Variants in PRDX1 observed in about 807,000 individuals in gnomAD.
PRDX1 encodes peroxiredoxin-1.
Under a neutral mutation model 20.7 loss-of-function variants are expected in PRDX1, and 19 were observed. That is an observed-to-expected ratio of 0.92 (90% CI 0.64 to 1.35). PRDX1 has a LOEUF of 1.35. Ranked by LOEUF, PRDX1 falls within the 40% of genes most tolerant of loss-of-function variation. The probability of loss-of-function intolerance (pLI) is 0.00; values close to 1 mark genes in which losing one functional copy is unlikely to be tolerated. For missense variants in PRDX1, 226 were observed against 240.0 expected, an observed-to-expected ratio of 0.94 and a Z score of 0.38; for synonymous variants, 89 against 83.9, an observed-to-expected ratio of 1.06 and a Z score of -0.33.
At chr1:45,517,129 A>C (rs1188435570) in intron 2 of PRDX1, among the ~76,000 whole-genome samples, 1 of 152,036 alleles carries the variant, frequency 6.6e-6, no homozygotes, top group African/African-American at 2.4e-5. Context: ...TTGCCTAACA[A>C]GCACTTTGGG....
At chr1:45,520,477 C>G (rs2149330430) in intron 1 of PRDX1, among the ~76,000 whole-genome samples, 1 of 151,996 alleles carries the variant, frequency 6.6e-6, no homozygotes, top group South Asian at 2.1e-4. Context: ...AATCCCAGCA[C>G]TTTGGGAGGC....
At position 45,514,649 on chromosome 1, in the gene PRDX1, G is replaced by A; in HGVS notation, c.384-12C>T. ...TGATAAAAAGGCCCCTGGGAAAAGA[G>A]ATGAAAGGAAAAGCAATACAGGTTT... On this transcript the variant is annotated splice_polypyrimidine_tract_variant and intron_variant, in intron 4 of 5. Coordinates refer to ENST00000319248, the MANE Select transcript of PRDX1 (RefSeq NM_181697.3). The A allele has an allele frequency of 6.2e-7, 1 of 1,613,450 alleles. No individual in the cohort carries two copies. The highest frequency in any genetic ancestry group is 8.5e-7 in the Non-Finnish European group (1 of 1,179,404).
chr1:45,514,476 C>G, intron 5 of PRDX1, 31 bp downstream of exon 5: 1 of 1,613,428 alleles, frequency 6.2e-7, no homozygotes, highest in Non-Finnish European at 8.5e-7. Flanking sequence ...TACCACCACT[C>G]TGTTGTCCTG....
chr1:45,519,305 C>A (rs1163780772), intron 1 of PRDX1, among the ~76,000 whole-genome samples: 14 of 152,192 alleles, frequency 9.2e-5, no homozygotes, highest in Admixed American at 8.5e-4. Context: ...AAGGCAATTT[C>A]TTTATATACT....
upstream of PRDX1, among the ~76,000 whole-genome samples, chr1:45,522,357 C>A (rs934405120): frequency 2.6e-5 from 4 of 152,158 alleles, no homozygotes; most frequent in African/African-American, 9.7e-5. Flanking sequence ...GCTTAGATAG[C>A]TTCCTTCATT....
At chr1:45,516,766 T>A (rs375448894) in intron 2 of PRDX1, among the ~76,000 whole-genome samples, 1 of 151,816 alleles carries the variant, frequency 6.6e-6, no homozygotes, top group Non-Finnish European at 1.5e-5. Flanking sequence ...TCCCAGCAGT[T>A]TGGGAGGCAG....
At chr1:45,511,580 A>C (rs1643746875) in intron 5 of PRDX1, 166 bp from the exon 6 acceptor site, 2 of 453,516 alleles carry the variant, frequency 4.4e-6, no homozygotes, top group Admixed American at 4.0e-5. Context: ...ACCATTTTAC[A>C]AACATATAAT....
chr1:45,513,183 A>G (rs986171816), intron 5 of PRDX1: 2 of 152,116 alleles, frequency 1.3e-5, no homozygotes, highest in African/African-American at 4.8e-5. Context: ...ATATGGATTA[A>G]CCTCTTCTCT....
chr1:45,522,600 A>C (rs1643923971), upstream of PRDX1, among the ~76,000 whole-genome samples: 1 of 152,154 alleles, frequency 6.6e-6, no homozygotes, highest in Non-Finnish European at 1.5e-5. Context: ...ACTACCCCCC[A>C]CAAACACACA....
rs939616480 is a variant in PRDX1 at position 45,514,883 on chromosome 1, T to C, written c.373A>G (p.Ile125Val). The C allele has an allele frequency of 6.2e-7, 1 of 1,614,036 alleles. No homozygotes were observed. Among genetic ancestry groups the C allele is most frequent in the Non-Finnish European group, 8.5e-7 (1 of 1,180,002 alleles). ...GTCCTGATGACATACCTGAACGAGATGCCTTCATCAGCCTTTAAGACCCCA... is the reference window on the plus strand; with the variant it reads ...GTCCTGATGACATACCTGAACGAGACGCCTTCATCAGCCTTTAAGACCCCA... Reference protein sequence around the residue: ...DYGVLKADEGISFRGLFIIDD... With the variant: ...DYGVLKADEGVSFRGLFIIDD... Residue 125 changes from isoleucine to valine, a missense_variant, in exon 4 of 6, where the codon ATC (isoleucine) becomes GTC (valine). Ile to Val is a conservative substitution (Grantham distance 29). Coordinates refer to ENST00000319248, the MANE Select transcript of PRDX1 (RefSeq NM_181697.3).
intron 2 of PRDX1, among the ~76,000 whole-genome samples, chr1:45,518,152 G>A (rs989383472): frequency 5.3e-5 from 8 of 151,708 alleles, no homozygotes; most frequent in Admixed American, 1.3e-4. Context: ...GCAACATGGC[G>A]CCCAGCTCTA....
At chr1:45,517,655 G>A (rs565009271) in intron 2 of PRDX1, among the ~76,000 whole-genome samples, 13 of 152,092 alleles carry the variant, frequency 8.5e-5, no homozygotes, top group East Asian at 3.9e-4. Flanking sequence ...GGTTGCGGGC[G>A]CCTGTAGTCC....
rs869087041 is a variant in PRDX1, at chr1:45,512,069, CTTTTTTTTTTTTT to C, written c.515-668_515-656del. ...GCAAGGGGACTAATCTCTTATTTTT[CTTTTTTTTTTTTT>C]TTTTTTTTTTTTTTGAGATGGAGTC... On this transcript the variant is annotated intron_variant, in intron 5 of 5. Transcript: ENST00000319248. The C allele has an allele frequency of 9.0e-5, 6 of 66,906 alleles. 1 individual carries two copies. The East Asian group carries it at 2.7e-3, about 30-fold the overall frequency. The allele number at this position is 66,906 out of a possible 1,614,324, so 4.1% of individuals were successfully genotyped here. A position where few individuals can be genotyped will look rare whatever the true frequency, so the allele number is the denominator to read the frequency against.
intron 3 of PRDX1, among the ~76,000 whole-genome samples, 159 bp from the exon 4 acceptor site, chr1:45,515,154 G>A (rs745661953): frequency 6.6e-6 from 1 of 152,130 alleles, no homozygotes; most frequent in Non-Finnish European, 1.5e-5. Context: ...GTTAAGGTAG[G>A]TCACTAGGGT....
At position 45,519,072 on chromosome 1, in the gene PRDX1, G is replaced by T. The variant is rs1357327641; in HGVS notation, c.-11-18C>A. On this transcript the variant is annotated intron_variant, in intron 1 of 5. Coordinates refer to ENST00000319248, the MANE Select transcript of PRDX1 (RefSeq NM_181697.3). ...CCTATCAGCTAGAAATAACAGAAATGAATTAGAAACAAGCCTTAATTTTCT... is the reference window on the plus strand; with the variant it reads ...CCTATCAGCTAGAAATAACAGAAATTAATTAGAAACAAGCCTTAATTTTCT... 2.7e-6 allele frequency: 4 copies of T among 1,508,754 alleles called. No homozygotes were observed. The highest frequency in any genetic ancestry group is 2.7e-6 in the Non-Finnish European group (3 of 1,105,332). 93.5% of individuals were successfully genotyped at this position (1,508,754 alleles called of 1,614,324 possible).
intron 2 of PRDX1, 118 bp from the exon 3 acceptor site, chr1:45,515,925 C>A (rs1557614054): frequency 2.9e-6 from 3 of 1,018,594 alleles, no homozygotes; most frequent in Non-Finnish European, 4.2e-6. Context: ...TGCCAAGATG[C>A]TCAATACAGA....
intron 5 of PRDX1, 78 bp from the exon 6 acceptor site, chr1:45,511,492 C>A: frequency 1.7e-6 from 2 of 1,201,486 alleles, no homozygotes; most frequent in South Asian, 1.4e-5. Context: ...AAAACCAGTT[C>A]TGCACCTGAA....
intron 2 of PRDX1, among the ~76,000 whole-genome samples, chr1:45,516,959 C>T (rs753209152): frequency 1.1e-4 from 17 of 149,368 alleles, no homozygotes; most frequent in Non-Finnish European, 1.9e-4. Context: ...AGATGGAGGT[C>T]GCAGTGACCT....
chr1:45,514,478 G>A, intron 5 of PRDX1, 29 bp downstream of exon 5: 1 of 1,613,510 alleles, frequency 6.2e-7, no homozygotes, highest in Non-Finnish European at 8.5e-7. Context: ...CCACCACTCT[G>A]TTGTCCTGTT....
Sources: gnomAD v4.1 joint callset for allele counts (sites outside exome capture counted in the v4.1 genomes callset) on GRCh38, gnomAD v4.1.1 for gene constraint, MANE v1.5 for transcripts, NCBI Gene and HGNC (gene_info 2026-07-23, HGNC 2026-07-21) for gene names.